GRID1: variants seen among roughly 807,000 people sequenced by gnomAD.
The protein encoded by GRID1 is glutamate receptor ionotropic, delta-1.
A neutral mutation model predicts 98.0 loss-of-function variants in GRID1; 28 were observed. The ratio of observed to expected loss-of-function variants is 0.29; its 90% CI spans 0.21 to 0.39. The LOEUF is 0.39. Among genes scored for constraint, GRID1 ranks in the 10% least tolerant of loss-of-function variants. GRID1 has a pLI of 1.00. For synonymous variants in GRID1, 553 were observed against 538.5 expected (o/e 1.03, Z -0.37); for missense variants, 1,111 against 1,340.5 (o/e 0.83, Z 2.67).
At chr10:85,857,704 T>G (rs1355359764) in intron 6 of GRID1, among the ~76,000 whole-genome samples, 1 of 152,176 alleles carries the variant, frequency 6.6e-6, no homozygotes, top group African/African-American at 2.4e-5. Flanking sequence ...GCTAAAAATA[T>G]TTTAGAAAAA....
At chr10:86,200,504 T>C (rs1845931932) in intron 3 of GRID1, among the ~76,000 whole-genome samples, 1 of 152,188 alleles carries the variant, frequency 6.6e-6, no homozygotes, top group African/African-American at 2.4e-5. Flanking sequence ...GGCCAGGCCA[T>C]AGCTGTGGAC....
chr10:86,147,764 T>C (rs1418363044), intron 3 of GRID1, among the ~76,000 whole-genome samples: 2 of 152,218 alleles, frequency 1.3e-5, no homozygotes, highest in Admixed American at 6.5e-5. Context: ...CTCCAGAGCA[T>C]GCCTTTTATC....
chr10:85,686,384 G>A (rs1358917650), intron 12 of GRID1, among the ~76,000 whole-genome samples: 1 of 152,206 alleles, frequency 6.6e-6, no homozygotes, highest in African/African-American at 2.4e-5. Context: ...CACAAGACAT[G>A]TATAGGAATG....
intron 4 of GRID1, among the ~76,000 whole-genome samples, chr10:86,128,798 A>C (rs909166778): frequency 6.6e-6 from 1 of 151,622 alleles, no homozygotes; most frequent in African/African-American, 2.4e-5. Context: ...ATATCTTTAC[A>C]TTTTCTGAGA....
At chr10:85,953,710 T>C (rs1247426958) in intron 4 of GRID1, among the ~76,000 whole-genome samples, 1 of 152,206 alleles carries the variant, frequency 6.6e-6, no homozygotes, top group Non-Finnish European at 1.5e-5. Context: ...TTTCACAGTC[T>C]CTCTGTATAG....
At chr10:85,707,039 G>T (rs1340930524) in intron 12 of GRID1, among the ~76,000 whole-genome samples, 13 of 152,072 alleles carry the variant, frequency 8.5e-5, no homozygotes, top group Non-Finnish European at 1.8e-4. Flanking sequence ...TACCAATCAG[G>T]ACATAGGCAT....
chr10:85,771,123 C>T (rs1842261274), intron 8 of GRID1, among the ~76,000 whole-genome samples: 1 of 152,234 alleles, frequency 6.6e-6, no homozygotes, highest in Non-Finnish European at 1.5e-5. Context: ...CATCGGATCT[C>T]TCGGCAGAAA....
At position 85,876,667 on chromosome 10, in the gene GRID1, C is replaced by A. The variant is rs563051112; in HGVS notation, c.781-7487G>T. 3.3e-5 allele frequency among the ~76,000 whole-genome samples: 5 copies of A among 152,276 alleles called. No homozygotes were observed. The South Asian group carries it at 1.0e-3, about 32-fold the overall frequency. ...TAGGAACAGCTCCGGTCTACAGCTCCCAGCGTGAGTGACACAGAAGACAGG... is the reference window on the plus strand; with the variant it reads ...TAGGAACAGCTCCGGTCTACAGCTCACAGCGTGAGTGACACAGAAGACAGG... On this transcript the variant is annotated intron_variant, in intron 5 of 15. Transcript: ENST00000327946.
At chr10:85,781,875 C>T (rs1351178563) in intron 8 of GRID1, among the ~76,000 whole-genome samples, 2 of 151,576 alleles carry the variant, frequency 1.3e-5, no homozygotes, top group Non-Finnish European at 2.9e-5. Context: ...GATTTATACA[C>T]AAAAATGTCT....
rs191811080 is a variant in GRID1, at chr10:85,833,832, A to T, written c.1233+20664T>A. ...TGGAATTGAAATATAGAATAACTAA[A>T]ACGAAACACTCACTGGATGAAATCA... On this transcript the variant is annotated intron_variant, in intron 8 of 15. Transcript: ENST00000327946. Among the ~76,000 whole-genome samples the T allele has an allele frequency of 1.9e-3, 294 of 152,334 alleles. 1 individual carries two copies. The highest frequency in any genetic ancestry group is 6.9e-3 in the African/African-American group (285 of 41,588).
chr10:86,112,299 A>G (rs1844500758), intron 4 of GRID1, among the ~76,000 whole-genome samples: 1 of 152,252 alleles, frequency 6.6e-6, no homozygotes, highest in East Asian at 1.9e-4. Context: ...CCTGGAACTA[A>G]TCTCATTGGC....
chr10:86,139,986 C>G (rs1000517350), intron 3 of GRID1, among the ~76,000 whole-genome samples: 1 of 152,172 alleles, frequency 6.6e-6, no homozygotes, highest in Non-Finnish European at 1.5e-5. Context: ...CAGAGGCAGG[C>G]GGGTCTGAGA....
chr10:85,849,627 T>C (rs1195091696), intron 8 of GRID1, among the ~76,000 whole-genome samples: 1 of 152,104 alleles, frequency 6.6e-6, no homozygotes, highest in Non-Finnish European at 1.5e-5. Flanking sequence ...CTGCATCGCC[T>C]CAAGTTCAGA....
At chr10:86,333,827 A>C (rs974816460) in intron 2 of GRID1, among the ~76,000 whole-genome samples, 8 of 152,180 alleles carry the variant, frequency 5.3e-5, no homozygotes, top group Non-Finnish European at 1.0e-4. Context: ...CACATTGAGT[A>C]GGCTGAGGGG....
chr10:86,032,367 A>G (rs1262734416), intron 4 of GRID1, among the ~76,000 whole-genome samples: 4 of 152,192 alleles, frequency 2.6e-5, no homozygotes, highest in Non-Finnish European at 4.4e-5. Context: ...TGACGATGGC[A>G]GTTTTGTCGA....
At chr10:85,616,063 G>A (rs758293760) in intron 14 of GRID1, among the ~76,000 whole-genome samples, 11 of 152,272 alleles carry the variant, frequency 7.2e-5, no homozygotes, top group East Asian at 1.9e-4. Flanking sequence ...CATACAGACC[G>A]TTAGCTCGAG....
intron 13 of GRID1, among the ~76,000 whole-genome samples, chr10:85,638,959 G>A (rs184348334): frequency 6.6e-6 from 1 of 152,312 alleles, no homozygotes; most frequent in East Asian, 1.9e-4. Flanking sequence ...TTCAGCAACT[G>A]AGACTTACAA....
At chr10:86,259,411 G>A (rs777734633) in intron 2 of GRID1, among the ~76,000 whole-genome samples, 1 of 152,156 alleles carries the variant, frequency 6.6e-6, no homozygotes, top group Non-Finnish European at 1.5e-5. Flanking sequence ...TTGTGTGCGT[G>A]TAAACAATGC....
chr10:85,661,814 G>A (rs975805717), intron 12 of GRID1, among the ~76,000 whole-genome samples: 12 of 152,204 alleles, frequency 7.9e-5, no homozygotes, highest in East Asian at 1.9e-4. Flanking sequence ...GTCTTCCTCC[G>A]TGGGAGAAGA....
Sources: allele counts gnomAD v4.1 joint callset (sites outside exome capture counted in the v4.1 genomes callset), GRCh38; gene constraint gnomAD v4.1.1; transcripts MANE v1.5; gene names NCBI Gene and HGNC (gene_info 2026-07-23, HGNC 2026-07-21).